ZC3H13: variants seen among roughly 807,000 people sequenced by gnomAD.
ZC3H13 encodes the protein zinc finger CCCH domain-containing protein 13.
A neutral mutation model predicts 204.1 loss-of-function variants in ZC3H13; 64 were observed. The ratio of observed to expected loss-of-function variants is 0.31; its 90% CI spans 0.26 to 0.39. The LOEUF is 0.39. Ranked by LOEUF, ZC3H13 falls within the 10% of genes least tolerant of loss-of-function variation. ZC3H13 has a pLI of 1.00. For missense variants in ZC3H13, 1,833 were observed against 2,082.7 expected (o/e 0.88, Z 2.33); for synonymous variants, 667 against 693.7 (o/e 0.96, Z 0.60).
chr13:46,004,943 A>G (rs1173307905), intron 7 of ZC3H13, among the ~76,000 whole-genome samples: 1 of 152,216 alleles, frequency 6.6e-6, no homozygotes, highest in Non-Finnish European at 1.5e-5. Context: ...TCCCATACAC[A>G]TTCAAAACTG....
At chr13:46,036,313 G>A (rs576791847) in intron 4 of ZC3H13, among the ~76,000 whole-genome samples, 1 of 152,158 alleles carries the variant, frequency 6.6e-6, no homozygotes, top group Admixed American at 6.5e-5. Flanking sequence ...TCAGTAATAA[G>A]ACACCTGGAA....
At chr13:46,015,851 G>A (rs572431941) in intron 5 of ZC3H13, among the ~76,000 whole-genome samples, 2 of 152,110 alleles carry the variant, frequency 1.3e-5, no homozygotes, top group South Asian at 4.2e-4. Flanking sequence ...AACTCATAGA[G>A]TGGGAGAAAA....
chr13:46,043,461 C>T (rs1483401428), intron 3 of ZC3H13, among the ~76,000 whole-genome samples: 1 of 151,718 alleles, frequency 6.6e-6, no homozygotes, highest in Non-Finnish European at 1.5e-5. Flanking sequence ...TCCTATGTGC[C>T]CTGGTTTCCT....
chr13:46,045,655 A>G, intron 1 of ZC3H13, 139 bp from the exon 2 acceptor site: 1 of 645,264 alleles, frequency 1.5e-6, no homozygotes, highest in Non-Finnish European at 2.7e-6. Flanking sequence ...AAAAAAAAAA[A>G]GCATAGGAGA....
At chr13:46,051,093 T>C (rs750281088) in intron 1 of ZC3H13, among the ~76,000 whole-genome samples, 2 of 152,222 alleles carry the variant, frequency 1.3e-5, no homozygotes, top group African/African-American at 2.4e-5. Context: ...TTCCTCTATG[T>C]AAATGCCAAT....
At position 45,969,436 on chromosome 13, in the gene ZC3H13, T is replaced by C; in HGVS notation, c.3108A>G (p.Ile1036Met). ...TTTCAACCAATTCCTCTTTAGTTGT[T>C]ATAGGGGGAGTCCGTGGGCCTCTTT... ...KKKRGPRTPP[I>M]TTKEELVEMC... The change falls in exon 14 of 19, where the codon ATA (isoleucine) becomes ATG (methionine). Residue 1036 changes from isoleucine to methionine, a missense_variant. By Grantham distance (10) the Ile-to-Met change is conservative (BLOSUM62 1). Coordinates refer to ENST00000679008, the MANE Select transcript of ZC3H13 (RefSeq NM_001330564.2). The C allele has an allele frequency of 3.7e-6, 6 of 1,614,074 alleles. No individual in the cohort carries two copies. Among genetic ancestry groups the C allele is most frequent in the Non-Finnish European group, 5.1e-6 (6 of 1,179,994 alleles).
chr13:45,976,086 C>T (rs1269070172), intron 11 of ZC3H13: 8 of 878,022 alleles, frequency 9.1e-6, no homozygotes, highest in African/African-American at 1.8e-5. Flanking sequence ...CCCTTCCCCC[C>T]TCCCACTGAT....
At chr13:45,960,246 C>T (rs754640105) in intron 17 of ZC3H13, among the ~76,000 whole-genome samples, 11 of 152,082 alleles carry the variant, frequency 7.2e-5, no homozygotes, top group African/African-American at 1.2e-4. Context: ...CATGAGTCAC[C>T]GCCCCCAGCC....
chr13:46,017,487 C>T (rs2041980188), intron 5 of ZC3H13, among the ~76,000 whole-genome samples: 1 of 119,344 alleles, frequency 8.4e-6, no homozygotes, highest in African/African-American at 3.5e-5. Flanking sequence ...CTGCCACCTC[C>T]TCACAATTAT....
intron 4 of ZC3H13, among the ~76,000 whole-genome samples, chr13:46,027,169 A>G (rs1275710737): frequency 3.3e-5 from 5 of 152,134 alleles, no homozygotes; most frequent in South Asian, 4.1e-4. Flanking sequence ...ACAGTGCGCA[A>G]TCTTGGCTCA....
At chr13:46,005,811 A>G (rs2041099242) in intron 7 of ZC3H13, among the ~76,000 whole-genome samples, 1 of 152,246 alleles carries the variant, frequency 6.6e-6, no homozygotes, top group South Asian at 2.1e-4. Context: ...ATTGTTGTTC[A>G]GGCTGGGCGA....
At chr13:45,990,799 G>A (rs532734585) in intron 8 of ZC3H13, among the ~76,000 whole-genome samples, 18 of 151,172 alleles carry the variant, frequency 1.2e-4, no homozygotes, top group Non-Finnish European at 2.5e-4. Flanking sequence ...TTAGGTTCTA[G>A]TAAATTTTTG....
At chr13:45,974,923 T>A (rs1252966442) in intron 12 of ZC3H13, among the ~76,000 whole-genome samples, 1 of 152,084 alleles carries the variant, frequency 6.6e-6, no homozygotes, top group African/African-American at 2.4e-5. Context: ...CTTGGCTCAC[T>A]GCAACCTCTG....
At position 46,003,243 on chromosome 13, in the gene ZC3H13, G is replaced by C; in HGVS notation, c.840C>G (p.Tyr280Ter). 6.2e-7 allele frequency: 1 copy of C among 1,611,644 alleles called. No homozygotes were observed. Among genetic ancestry groups the C allele is most frequent in the Non-Finnish European group, 8.5e-7 (1 of 1,179,220 alleles). The part of the protein sequence containing the change: ...IPEDIALGKK[Y>*]KEKYKVKDRI... ...TGTCTTTTACTTTATATTTTTCTTT[G>C]TATTTTTTCCCCAGAGCGATATCTT... Residue 280 changes from tyrosine to a stop codon, truncating the protein, a stop_gained, in exon 8 of 19, where the codon TAC becomes TAG. Transcript: ENST00000679008. LOFTEE classifies it high-confidence loss of function.
chr13:45,995,498 G>C (rs1404651535), intron 8 of ZC3H13, among the ~76,000 whole-genome samples: 1 of 152,082 alleles, frequency 6.6e-6, no homozygotes, highest in African/African-American at 2.4e-5. Context: ...CCTTTCGTAA[G>C]CTTAGTGTGC....
chr13:46,012,826 A>G (rs1345307697), intron 5 of ZC3H13, among the ~76,000 whole-genome samples: 1 of 152,210 alleles, frequency 6.6e-6, no homozygotes, highest in Non-Finnish European at 1.5e-5. Context: ...TACTCTATTG[A>G]GATACTTTAC....
chr13:46,048,870 C>T (rs933616483), intron 1 of ZC3H13, among the ~76,000 whole-genome samples: 1 of 152,140 alleles, frequency 6.6e-6, no homozygotes, highest in African/African-American at 2.4e-5. Context: ...GTGACTCACG[C>T]CTGTAATCCC....
In ZC3H13 at chr13:45,960,758, C is replaced by T. The variant is rs80144212; in HGVS notation, c.4676-1112G>A. ...AGGTACTGCCTCTATTCATACAACA[C>T]GCTCAAGCAGGTTACTTTTACAACC... On this transcript the variant is annotated intron_variant, in intron 17 of 18. Transcript: ENST00000679008. Among the ~76,000 whole-genome samples the T allele has an allele frequency of 1.2e-3, 187 of 152,246 alleles. 1 individual carries two copies. The highest frequency in any genetic ancestry group is 2.4e-3 in the Non-Finnish European group (160 of 68,022).
chr13:46,048,365 C>T (rs1210284273), intron 1 of ZC3H13, among the ~76,000 whole-genome samples: 4 of 151,968 alleles, frequency 2.6e-5, no homozygotes, highest in Admixed American at 1.3e-4. Context: ...ATCACGAAGT[C>T]AGGAGATCGA....
Sources: gnomAD v4.1 joint callset for allele counts (sites outside exome capture counted in the v4.1 genomes callset) on GRCh38, gnomAD v4.1.1 for gene constraint, MANE v1.5 for transcripts, NCBI Gene and HGNC (gene_info 2026-07-23, HGNC 2026-07-21) for gene names.